S100A13: variants seen among roughly 807,000 people sequenced by gnomAD.
S100A13 encodes S100 calcium binding protein A13.
Under a neutral mutation model 8.2 loss-of-function variants are expected in S100A13, and 6 were observed. That is an observed-to-expected ratio of 0.73 (90% CI 0.40 to 1.44). The LOEUF is 1.44. S100A13 is among the 40% of genes most tolerant of loss of function. S100A13 has a pLI of 0.02. For missense variants in S100A13, 114 were observed against 113.6 expected (o/e 1.00, Z -0.02); for synonymous variants, 39 against 45.9 (o/e 0.85, Z 0.61).
chr1:153,621,397 T>C (rs1474805437), intron 2 of S100A13, among the ~76,000 whole-genome samples: 1 of 151,778 alleles, frequency 6.6e-6, no homozygotes, highest in East Asian at 2.0e-4. Flanking sequence ...CCTCAGGTGA[T>C]CCACCCACCT....
chr1:153,628,533 G>A, upstream of S100A13: 5 of 1,549,240 alleles, frequency 3.2e-6, no homozygotes, highest in Non-Finnish European at 4.4e-6. Context: ...TCCCTGGCCT[G>A]CCAGCTTCAG....
chr1:153,631,714 A>G (rs753543210), upstream of S100A13: 30 of 1,614,000 alleles, frequency 1.9e-5, no homozygotes, highest in Non-Finnish European at 1.9e-5. Context: ...AAGGATGTGG[A>G]TGCTGTGGAC....
At chr1:153,620,353 TG>T (rs1667159565) in intron 2 of S100A13, among the ~76,000 whole-genome samples, 1 of 151,006 alleles carries the variant, frequency 6.6e-6, no homozygotes, top group African/African-American at 2.4e-5. Flanking sequence ...CCCAACTACT[TG>T]GGAGGCTGAA....
chr1:153,626,550 G>C lies in S100A13; in HGVS notation c.-61-17C>G. On this transcript the variant is annotated splice_polypyrimidine_tract_variant and intron_variant, in intron 1 of 2. Transcript: ENST00000476133. Reference sequence around the variant, plus strand: ...AGGGCTGACCTGTGGAAGAGAGAAGGAGCAGAGAGGGAGAGTCAGGGAGCC... The same window carrying C: ...AGGGCTGACCTGTGGAAGAGAGAAGCAGCAGAGAGGGAGAGTCAGGGAGCC... 1 of 1,472,714 alleles carries C rather than the reference G, an allele frequency of 6.8e-7. No individual in the cohort carries two copies. The highest frequency in any genetic ancestry group is 2.3e-5 in the East Asian group (1 of 43,824). The allele number at this position is 1,472,714 out of a possible 1,614,324, so 91.2% of individuals were successfully genotyped here. A position where few individuals can be genotyped will look rare whatever the true frequency, so the allele number is the denominator to read the frequency against.
At chr1:153,626,719 G>A (rs1476248374) in intron 1 of S100A13, 186 bp from the exon 2 acceptor site, 2 of 441,214 alleles carry the variant, frequency 4.5e-6, no homozygotes, top group East Asian at 3.5e-5. Flanking sequence ...CAGTTTTGGT[G>A]GGGGCAGGAG....
At chr1:153,622,167 C>T (rs368510289) in intron 2 of S100A13, among the ~76,000 whole-genome samples, 62 of 151,868 alleles carry the variant, frequency 4.1e-4, no homozygotes, top group African/African-American at 1.4e-3. Context: ...GTCAGGAGTG[C>T]GAGACCAGCC....
At chr1:153,629,152 C>A (rs949540968), upstream of S100A13, 1 of 152,334 alleles carries the variant, frequency 6.6e-6, no homozygotes, top group African/African-American at 2.4e-5. Context: ...ATCTCCCCTG[C>A]CCCCAAGTCC....
At chr1:153,630,877 C>T (rs1667974193), upstream of S100A13, 5 of 571,826 alleles carry the variant, frequency 8.7e-6, no homozygotes, top group Non-Finnish European at 1.2e-5. Context: ...GTGTTAGGCC[C>T]TGTGTAGATT....
At chr1:153,631,315 G>A (rs918809203), upstream of S100A13, 3 of 764,656 alleles carry the variant, frequency 3.9e-6, no homozygotes, top group African/African-American at 3.5e-5. Context: ...CTTTCTAGCT[G>A]TGGGACTTTG....
chr1:153,621,543 C>T (rs936956011), intron 2 of S100A13, among the ~76,000 whole-genome samples: 6 of 151,628 alleles, frequency 4.0e-5, no homozygotes, highest in African/African-American at 1.2e-4. Context: ...GAGGCCAAGG[C>T]GGGTGGATAA....
At chr1:153,629,585 A>C, upstream of S100A13, 1 of 151,300 alleles carries the variant, frequency 6.6e-6, no homozygotes, top group African/African-American at 2.4e-5. Context: ...TTCTTCTCCT[A>C]CTCTCTCCCA....
upstream of S100A13, chr1:153,629,620 T>G (rs41265181): frequency 0.047 from 7,170 of 152,726 alleles, 248 homozygotes; most frequent in Non-Finnish European, 0.074. Context: ...AAGGACCGCA[T>G]GCTTTCAGCC....
upstream of S100A13, chr1:153,630,253 GCT>G (rs1172352341): frequency 1.2e-5 from 6 of 502,590 alleles, no homozygotes; most frequent in South Asian, 3.9e-5. Context: ...AGCTCCAACT[GCT>G]CTCTCTCCAT....
chr1:153,623,176 T>G (rs1266501181), intron 2 of S100A13, among the ~76,000 whole-genome samples: 1 of 150,864 alleles, frequency 6.6e-6, no homozygotes, highest in African/African-American at 2.4e-5. Context: ...AAGAGAGGAG[T>G]AATTTCAAGA....
chr1:153,625,193 G>A (rs754920966), intron 2 of S100A13, among the ~76,000 whole-genome samples: 3 of 152,224 alleles, frequency 2.0e-5, no homozygotes, highest in East Asian at 1.9e-4. Flanking sequence ...AGCTGTGATC[G>A]CACAGTGGCC....
At position 153,626,406 on chromosome 1, in the gene S100A13, A is replaced by G; in HGVS notation, c.67T>C (p.Phe23Leu). 6.2e-7 allele frequency: 1 copy of G among 1,614,144 alleles called. No homozygotes were observed. The highest frequency in any genetic ancestry group is 8.5e-7 in the Non-Finnish European group (1 of 1,180,014). Reference sequence around the variant, plus strand: ...TCCTTCCGGCCCTCCTGCCTTGCAAAGGTGAAGAAGGTGGTGACCACGGTC... The same window carrying G: ...TCCTTCCGGCCCTCCTGCCTTGCAAGGGTGAAGAAGGTGGTGACCACGGTC... ...IETVVTTFFT[F>L]ARQEGRKDSL... The change falls in exon 2 of 3, where the codon TTT becomes CTT. Residue 23 changes from phenylalanine to leucine, a missense_variant. By Grantham distance (22) the Phe-to-Leu change is conservative (BLOSUM62 0). Transcript: ENST00000476133.
chr1:153,632,562 C>T (rs963007838), upstream of S100A13, among the ~76,000 whole-genome samples: 3 of 152,060 alleles, frequency 2.0e-5, no homozygotes, highest in Admixed American at 6.5e-5. Context: ...TGAGCCACCG[C>T]GCTAGGCCGA....
upstream of S100A13, chr1:153,628,079 G>A (rs1251563185): frequency 3.9e-6 from 6 of 1,550,328 alleles, no homozygotes; most frequent in Non-Finnish European, 5.2e-6. Context: ...CCCCATGGAG[G>A]AGCCACAGAC....
Position 153,618,835 on chromosome 1 carries a change from T to C in S100A13, c.*60A>G. The C allele has an allele frequency of 1.3e-6, 2 of 1,525,704 alleles. No homozygotes were observed. The highest frequency in any genetic ancestry group is 1.8e-6 in the Non-Finnish European group (2 of 1,113,384). 94.5% of individuals were successfully genotyped at this position (1,525,704 alleles called of 1,614,324 possible). On this transcript the variant is annotated 3_prime_UTR_variant, in exon 3 of 3. Coordinates refer to ENST00000476133, the MANE Select transcript of S100A13 (RefSeq NM_001024211.2). ...AGGAGGAAGCTTTATTTGGGAAGAG[T>C]GCGGTTCTGCTCGGCCCTGATCAGC...
Sources: gnomAD v4.1 joint callset for allele counts (sites outside exome capture counted in the v4.1 genomes callset) on GRCh38, gnomAD v4.1.1 for gene constraint, MANE v1.5 for transcripts, NCBI Gene and HGNC (gene_info 2026-07-23, HGNC 2026-07-21) for gene names.